The following EPHA6 variants were observed in gnomAD, a reference collection of about 807,000 sequenced individuals.
EPHA6 encodes the protein EPH receptor A6, also known as ephrin type-A receptor 6.
Under a neutral mutation model 112.0 loss-of-function variants are expected in EPHA6, and 50 were observed. The observed-to-expected ratio is 0.45, with a 90% CI of 0.36 to 0.56. The LOEUF is 0.56. Among genes scored for constraint, EPHA6 ranks in the 20% least tolerant of loss-of-function variants. The pLI is 0.00. For synonymous variants in EPHA6, 529 were observed against 490.7 expected (o/e 1.08, Z -1.03); for missense variants, 1,280 against 1,417.4 (o/e 0.90, Z 1.56).
At chr3:97,403,431 A>G (rs2087119131) in intron 5 of EPHA6, among the ~76,000 whole-genome samples, 1 of 151,884 alleles carries the variant, frequency 6.6e-6, no homozygotes, top group African/African-American at 2.4e-5. Flanking sequence ...TGATTTTTCA[A>G]AATTGTTCTT....
At chr3:97,467,324 G>A (rs1311416088) in intron 7 of EPHA6, among the ~76,000 whole-genome samples, 1 of 151,438 alleles carries the variant, frequency 6.6e-6, no homozygotes, top group Admixed American at 6.6e-5. Flanking sequence ...ATGAAAAATA[G>A]ACTCCAAATA....
chr3:97,682,390 G>A (rs1293923115), intron 14 of EPHA6, among the ~76,000 whole-genome samples: 1 of 152,046 alleles, frequency 6.6e-6, no homozygotes, highest in Non-Finnish European at 1.5e-5. Context: ...ATAATTCCTA[G>A]AGATTAATAA....
intron 5 of EPHA6, among the ~76,000 whole-genome samples, chr3:97,276,283 A>C (rs1483344659): frequency 6.6e-6 from 1 of 152,166 alleles, no homozygotes; most frequent in Non-Finnish European, 1.5e-5. Flanking sequence ...GGAGTCAGTC[A>C]GAGAGCCTTG....
chr3:97,387,316 GTT>G (rs1451719738), intron 5 of EPHA6, among the ~76,000 whole-genome samples: 16 of 132,194 alleles, frequency 1.2e-4, no homozygotes, highest in East Asian at 2.2e-4. Flanking sequence ...TTACAATTCA[GTT>G]TTTTTTTTTT....
At chr3:97,685,800 A>G (rs545329819) in intron 14 of EPHA6, among the ~76,000 whole-genome samples, 2 of 152,202 alleles carry the variant, frequency 1.3e-5, no homozygotes, top group African/African-American at 4.8e-5. Flanking sequence ...TACTTTTAAC[A>G]CATGGTAATA....
At chr3:97,006,669 G>A (rs2043892390) in intron 3 of EPHA6, among the ~76,000 whole-genome samples, 1 of 151,888 alleles carries the variant, frequency 6.6e-6, no homozygotes, top group African/African-American at 2.4e-5. Context: ...ATTTGCTCTT[G>A]CCTCTCTAGC....
At chr3:96,893,012 A>G (rs939113639) in intron 2 of EPHA6, among the ~76,000 whole-genome samples, 2 of 150,970 alleles carry the variant, frequency 1.3e-5, no homozygotes, top group Admixed American at 6.6e-5. Context: ...GCGCAAAGTC[A>G]TGTGCCACAA....
Position 97,481,354 on chromosome 3 carries a change from A to G in EPHA6, c.2074+1990A>G, listed in dbSNP as rs1216923553. ...GTTTCACTTGTGCAAAATATCCAAC[A>G]TAGCTATTCTGAGAAGGAGTTTCTA... On this transcript the variant is annotated intron_variant, in intron 9 of 17. Transcript: ENST00000389672. The G allele has an allele frequency of 2.6e-6, 4 of 1,554,026 alleles. No individual in the cohort carries two copies. The South Asian group carries it at 3.3e-5, about 13-fold the overall frequency.
chr3:97,208,211 T>G (rs1326841728), intron 3 of EPHA6, among the ~76,000 whole-genome samples: 1 of 152,166 alleles, frequency 6.6e-6, no homozygotes, highest in Non-Finnish European at 1.5e-5. Flanking sequence ...GTATTCTACT[T>G]GTACTGGATA....
rs113119386 is a variant in EPHA6, at chr3:96,979,017, A to G, written c.451-8313A>G. Among the ~76,000 whole-genome samples, 778 of 152,274 alleles carry G rather than the reference A, an allele frequency of 5.1e-3. 7 individuals are homozygous for G. Among genetic ancestry groups the G allele is most frequent in the African/African-American group, 0.017 (705 of 41,554 alleles). ...AACATGGTTAATGCTTTTTGTTAAT[A>G]TGAAGTGATGAAGATACTAAAACAG... On this transcript the variant is annotated intron_variant, in intron 2 of 17. Coordinates refer to ENST00000389672, the MANE Select transcript of EPHA6 (RefSeq NM_001080448.3).
At chr3:96,962,782 G>A (rs1364966739) in intron 2 of EPHA6, among the ~76,000 whole-genome samples, 3 of 151,746 alleles carry the variant, frequency 2.0e-5, no homozygotes, top group Non-Finnish European at 4.4e-5. Flanking sequence ...ATCCCATTTA[G>A]TAATTCATCA....
rs76698577 is a variant in EPHA6, at chr3:97,341,062, G to A, written c.1607-64088G>A. The stretch of plus-strand genomic sequence containing the variant: ...CATTTACTGGCAAGGGAAATAAAAT[G>A]GCAACACCTGTTTCCTGGCCAGAGG... On this transcript the variant is annotated intron_variant, in intron 5 of 17. Transcript: ENST00000389672. Among the ~76,000 whole-genome samples the A allele has an allele frequency of 3.7e-4, 56 of 152,218 alleles. No homozygotes were observed. The East Asian group carries it at 9.5e-3, about 26-fold the overall frequency.
chr3:97,245,744 T>G (rs1035221476), intron 5 of EPHA6, among the ~76,000 whole-genome samples: 8 of 151,698 alleles, frequency 5.3e-5, no homozygotes, highest in Non-Finnish European at 1.2e-4. Context: ...GGCTATGAAG[T>G]GGTAGGAGGG....
chr3:96,978,877 C>G (rs566691264), intron 2 of EPHA6, among the ~76,000 whole-genome samples: 1 of 152,230 alleles, frequency 6.6e-6, no homozygotes, highest in East Asian at 1.9e-4. Context: ...ATCTCCGCAA[C>G]TGAATGTATT....
chr3:97,218,746 T>C lies in EPHA6; in HGVS notation c.1115-7518T>C, dbSNP rs867025954. 3.3e-5 allele frequency among the ~76,000 whole-genome samples: 5 copies of C among 152,196 alleles called. No homozygotes were observed. The East Asian group carries it at 9.6e-4, about 29-fold the overall frequency. On this transcript the variant is annotated intron_variant, in intron 3 of 17. Transcript: ENST00000389672. Reference sequence around the variant, plus strand: ...CCTTTTCACATTATGATACCAATCATGCCTTCCCAACTGTCCCCCAAAGTT... The same window carrying C: ...CCTTTTCACATTATGATACCAATCACGCCTTCCCAACTGTCCCCCAAAGTT...
intron 10 of EPHA6, among the ~76,000 whole-genome samples, chr3:97,522,385 C>A (rs2092557077): frequency 6.6e-6 from 1 of 152,082 alleles, no homozygotes; most frequent in African/African-American, 2.4e-5. Context: ...TCTTTGCATC[C>A]CAGGGATAAA....
At chr3:97,039,938 C>T (rs62263742) in intron 3 of EPHA6, among the ~76,000 whole-genome samples, 2 of 151,924 alleles carry the variant, frequency 1.3e-5, no homozygotes, top group Non-Finnish European at 2.9e-5. Flanking sequence ...AGAAACATGA[C>T]TCAGAACTGA....
chr3:97,718,285 C>A (rs1001111255), intron 14 of EPHA6, among the ~76,000 whole-genome samples: 8 of 152,128 alleles, frequency 5.3e-5, no homozygotes, highest in Admixed American at 5.2e-4. Flanking sequence ...GTATCCTTAC[C>A]CCCTTGTGAA....
chr3:97,276,825 G>A (rs2080099334), intron 5 of EPHA6, among the ~76,000 whole-genome samples: 1 of 152,148 alleles, frequency 6.6e-6, no homozygotes, highest in Non-Finnish European at 1.5e-5. Context: ...ACTGATTTGG[G>A]AGAGGTGGGA....
Sources: gnomAD v4.1 joint callset for allele counts (sites outside exome capture counted in the v4.1 genomes callset) on GRCh38, gnomAD v4.1.1 for gene constraint, MANE v1.5 for transcripts, NCBI Gene and HGNC (gene_info 2026-07-23, HGNC 2026-07-21) for gene names.